Variants in ARHGAP17 observed in about 807,000 individuals in gnomAD.
The protein encoded by ARHGAP17 is rho GTPase-activating protein 17.
A neutral mutation model predicts 99.5 loss-of-function variants in ARHGAP17; 57 were observed. The ratio of observed to expected loss-of-function variants is 0.57; its 90% CI spans 0.46 to 0.71. ARHGAP17 has a LOEUF of 0.71. Among genes scored for constraint, ARHGAP17 ranks in the 30% least tolerant of loss-of-function variants. The probability of loss-of-function intolerance (pLI) is 0.00; values close to 1 mark genes in which losing one functional copy is unlikely to be tolerated. For synonymous variants in ARHGAP17, 417 were observed against 429.6 expected, an observed-to-expected ratio of 0.97 and a Z score of 0.36; for missense variants, 1,000 against 1,122.4, an observed-to-expected ratio of 0.89 and a Z score of 1.56.
chr16:25,002,954 G>A (rs1490591841), intron 1 of ARHGAP17, among the ~76,000 whole-genome samples: 4 of 143,330 alleles, frequency 2.8e-5, no homozygotes, highest in Non-Finnish European at 4.5e-5. Flanking sequence ...CAGGAGAATC[G>A]CTTGAACCCA....
At chr16:24,935,419 A>C (rs2051108239) in intron 18 of ARHGAP17, 51 bp downstream of exon 18, 2 of 1,532,906 alleles carry the variant, frequency 1.3e-6, no homozygotes, top group South Asian at 2.4e-5. Flanking sequence ...CACTAACTTA[A>C]GGAGGTCTGC....
intron 7 of ARHGAP17, among the ~76,000 whole-genome samples, chr16:24,963,561 CT>C (rs1319368921): frequency 9.8e-5 from 15 of 152,288 alleles, no homozygotes; most frequent in African/African-American, 2.9e-4. Context: ...AGACCTATTC[CT>C]TTACCATTTC....
At chr16:24,992,418 C>G (rs8045817) in intron 1 of ARHGAP17, among the ~76,000 whole-genome samples, 48,040 of 151,990 alleles carry the variant, frequency 0.32, 7,817 homozygotes, top group East Asian at 0.5. Flanking sequence ...TCACTGCAAC[C>G]TCCACCTCCC....
rs138736754 is a variant in ARHGAP17, at chr16:24,920,495, C to T, written c.2516-235G>A. On this transcript the variant is annotated intron_variant, in intron 19 of 19. Transcript: ENST00000289968. ...GCTCCGACGTTGCTTGCTATGAGCC[C>T]GGAGCAGCCCTTGGAGATGCAGCTT... 404 of 463,234 alleles carry T rather than the reference C, an allele frequency of 8.7e-4. 1 individual carries two copies. Among genetic ancestry groups the T allele is most frequent in the African/African-American group, 6.7e-3 (339 of 50,636 alleles). 28.7% of individuals were successfully genotyped at this position (463,234 alleles called of 1,614,324 possible).
At chr16:24,953,198 G>C (rs1273728932) in intron 10 of ARHGAP17, among the ~76,000 whole-genome samples, 156 bp from the exon 11 acceptor site, 1 of 152,192 alleles carries the variant, frequency 6.6e-6, no homozygotes, top group Non-Finnish European at 1.5e-5. Context: ...GAGGAATGAT[G>C]AGGGCTGAGC....
chr16:24,961,911 T>TTATATATATATATATATATATATATATA lies in ARHGAP17; in HGVS notation c.574-1933_574-1932insTATATATATATATATATATATATATATA, dbSNP rs67952203. 9.3e-4 allele frequency among the ~76,000 whole-genome samples: 121 copies of TTATATATATATATATATATATATATATA among 129,946 alleles called. 1 individual carries two copies. Among genetic ancestry groups the TTATATATATATATATATATATATATATA allele is most frequent in the African/African-American group, 3.7e-3 (115 of 31,286 alleles). The allele number at this position is 129,946 out of a possible 152,430, so 85.2% of individuals were successfully genotyped here. On this transcript the variant is annotated intron_variant, in intron 7 of 19. Coordinates refer to ENST00000289968, the MANE Select transcript of ARHGAP17 (RefSeq NM_001006634.3). ...TCAAATATAAATATACATAGGAATT[T>TTATATATATATATATATATATATATATA]TATATATATATATATATATGAAAAC...
chr16:24,951,726 G>T (rs2051650740), intron 12 of ARHGAP17, among the ~76,000 whole-genome samples: 1 of 152,136 alleles, frequency 6.6e-6, no homozygotes, highest in Non-Finnish European at 1.5e-5. Context: ...CTTATCTATT[G>T]TAAGAATACA....
chr16:24,996,913 C>CA (rs35821047), intron 1 of ARHGAP17, among the ~76,000 whole-genome samples: 47,794 of 142,208 alleles, frequency 0.34, 8,542 homozygotes, highest in East Asian at 0.52. Context: ...TAGGGACAAC[C>CA]AAAAAAAAAA....
At chr16:24,959,010 GA>G (rs76133335) in intron 9 of ARHGAP17, among the ~76,000 whole-genome samples, 2,151 of 140,726 alleles carry the variant, frequency 0.015, 45 homozygotes, top group African/African-American at 0.049. Context: ...TTTAGGGAGA[GA>G]AAAAAAAAAA....
rs138080933 is a variant in ARHGAP17, at chr16:25,009,305, T to C, written c.53+5904A>G. Among the ~76,000 whole-genome samples the C allele has an allele frequency of 2.5e-4, 38 of 150,684 alleles. No individual in the cohort carries two copies. In the East Asian group the frequency reaches 6.6e-3, roughly 26 times the overall value. The stretch of plus-strand genomic sequence containing the variant: ...TCGCTTGAACCCAGGAGGTGGAGGT[T>C]GCAGTGAGTCGAGATTGTACCACTG... On this transcript the variant is annotated intron_variant, in intron 1 of 19. Transcript: ENST00000289968.
chr16:24,920,313 G>T, intron 19 of ARHGAP17, 53 bp from the exon 20 acceptor site: 1 of 1,603,816 alleles, frequency 6.2e-7, no homozygotes. Context: ...CCCCCGAGAG[G>T]CCACCTGAGG....
chr16:24,942,208 C>G (rs2051333286), intron 15 of ARHGAP17, 65 bp from the exon 16 acceptor site: 5 of 1,498,596 alleles, frequency 3.3e-6, no homozygotes, highest in Admixed American at 2.1e-5. Context: ...AGCTCTAAGA[C>G]ACCCCTCATT....
At chr16:25,004,754 T>G (rs760736175) in intron 1 of ARHGAP17, among the ~76,000 whole-genome samples, 1 of 152,026 alleles carries the variant, frequency 6.6e-6, no homozygotes, top group Non-Finnish European at 1.5e-5. Context: ...CCAAAAGGTA[T>G]CTCTGATAAG....
chr16:24,934,747 A>G (rs2051088003), intron 18 of ARHGAP17, among the ~76,000 whole-genome samples: 2 of 152,176 alleles, frequency 1.3e-5, no homozygotes, highest in South Asian at 4.1e-4. Context: ...GTGAGCCACC[A>G]CGCCCAGCTG....
intron 19 of ARHGAP17, chr16:24,920,661 G>A (rs1167317279): frequency 5.9e-6 from 1 of 168,236 alleles, no homozygotes; most frequent in Non-Finnish European, 1.3e-5. Context: ...TTTTCCTCCT[G>A]TTACTAACAC....
At chr16:24,994,350 T>G (rs559494547) in intron 1 of ARHGAP17, among the ~76,000 whole-genome samples, 1 of 152,348 alleles carries the variant, frequency 6.6e-6, no homozygotes, top group East Asian at 1.9e-4. Flanking sequence ...TGAGTGGAGC[T>G]ACACAGCCCA....
intron 16 of ARHGAP17, among the ~76,000 whole-genome samples, chr16:24,940,937 C>T (rs927736857): frequency 1.3e-5 from 2 of 152,154 alleles, no homozygotes; most frequent in South Asian, 2.1e-4. Context: ...TTGTCTGTCA[C>T]GTGCTAACTA....
rs1235805769 is a variant in ARHGAP17, at chr16:24,952,378, C to A, written c.965-8G>T. 2 of 1,606,730 alleles carry A rather than the reference C, an allele frequency of 1.2e-6. No individual in the cohort carries two copies. Among genetic ancestry groups the A allele is most frequent in the East Asian group, 2.2e-5 (1 of 44,700 alleles). On this transcript the variant is annotated splice_polypyrimidine_tract_variant and splice_region_variant and intron_variant, in intron 11 of 19. Transcript: ENST00000289968. The stretch of plus-strand genomic sequence containing the variant: ...AATAGGATTTTAAAGCACCTGAAAT[C>A]ATTAACACTCTCTTTGAGTATGAAA...
intron 6 of ARHGAP17, 125 bp downstream of exon 6, chr16:24,968,226 C>T: frequency 9.5e-7 from 1 of 1,055,854 alleles, no homozygotes; most frequent in Non-Finnish European, 1.4e-6. Flanking sequence ...TGCTGGCAGG[C>T]TGGCACCCAG....
Sources: gnomAD v4.1 joint callset for allele counts (sites outside exome capture counted in the v4.1 genomes callset) on GRCh38, gnomAD v4.1.1 for gene constraint, MANE v1.5 for transcripts, NCBI Gene and HGNC (gene_info 2026-07-23, HGNC 2026-07-21) for gene names.